PLEC: variants seen among roughly 807,000 people sequenced by gnomAD.
PLEC encodes the protein hemidesmosomal protein 1.
PLEC carries 216 observed loss-of-function variants against 392.8 expected under a neutral mutation model. The observed-to-expected ratio is 0.55, with a 90% CI of 0.49 to 0.62. The LOEUF is 0.62. Ranked by LOEUF, PLEC falls within the 20% of genes least tolerant of loss-of-function variation. The pLI is 0.00. For missense variants in PLEC, 6,863 were observed against 6,563.4 expected (o/e 1.05, Z -1.58); for synonymous variants, 3,621 against 2,980.6 (o/e 1.21, Z -7.00).
At position 143,921,069 on chromosome 8, in the gene PLEC, G is replaced by A. The variant is rs782580219; in HGVS notation, c.8752C>T (p.Gln2918Ter). 1 of 1,611,958 alleles carries A rather than the reference G, an allele frequency of 6.2e-7. No homozygotes were observed. The highest frequency in any genetic ancestry group is 8.5e-7 in the Non-Finnish European group (1 of 1,180,026). The change falls in exon 32 of 32, where the codon CAG becomes TAG. Residue 2918 changes from glutamine to a stop codon, truncating the protein, a stop_gained. Transcript: ENST00000345136. LOFTEE classifies it high-confidence loss of function. Reference sequence around the variant, plus strand: ...TCCCAAATGGTCACCGTCTTGCCCTGGAACTTGCCGAACGGCGCAGACACG... The same window carrying A: ...TCCCAAATGGTCACCGTCTTGCCCTAGAACTTGCCGAACGGCGCAGACACG... ...ATVSAPFGKF[Q>*]GKTVTIWEII...
rs556372016 is a variant in PLEC, at chr8:143,927,731, C to T, written c.3435G>A (p.Thr1145=). 7.5e-6 allele frequency: 12 copies of T among 1,596,276 alleles called. No homozygotes were observed. Among genetic ancestry groups the T allele is most frequent in the East Asian group, 4.6e-5 (2 of 43,948 alleles). The change falls in exon 27 of 32, where the codon ACG becomes ACA. Residue 1145 remains threonine, a synonymous_variant. Coordinates refer to ENST00000345136, the MANE Select transcript of PLEC (RefSeq NM_201384.3). ...LRAQAEAQQP[T]FDALRDELRG... The stretch of plus-strand genomic sequence containing the variant: ...GCAGCTCATCCCGCAGGGCGTCGAA[C>T]GTGGGCTGCTGTGCCTCGGCCTGGG...
upstream of PLEC, among the ~76,000 whole-genome samples, chr8:143,944,240 G>A (rs1831084900): frequency 6.6e-6 from 1 of 152,088 alleles, no homozygotes; most frequent in Non-Finnish European, 1.5e-5. Flanking sequence ...CGCACGCCTG[G>A]CCAAGCCGCA....
rs1554684058 is a variant in PLEC at position 143,921,098 on chromosome 8, G to A, written c.8723C>T (p.Ala2908Val). The A allele has an allele frequency of 1.2e-6, 2 of 1,612,120 alleles. No homozygotes were observed. The highest frequency in any genetic ancestry group is 1.7e-5 in the Admixed American group (1 of 60,028). ...DSEARDVFEK[A>V]TVSAPFGKFQ... ...CTTGCCGAACGGCGCAGACACGGTG[G>A]CCTTCTCAAAGACGTCCCGGGCCTC... Residue 2908 changes from alanine to valine, a missense_variant, in exon 32 of 32, where the codon GCC becomes GTC. Coordinates refer to ENST00000345136, the MANE Select transcript of PLEC (RefSeq NM_201384.3).
At chr8:143,950,318 C>T (rs782501731) in exon 1 of PLEC, 1 of 1,574,052 alleles carries the variant, frequency 6.4e-7, no homozygotes, top group African/African-American at 1.3e-5. Flanking sequence ...CGGCAGCGGC[C>T]CCCGCTTGGG....
At chr8:143,947,882 C>T (rs1054880596) in intron 1 of PLEC, among the ~76,000 whole-genome samples, 9 of 152,246 alleles carry the variant, frequency 5.9e-5, no homozygotes, top group African/African-American at 2.2e-4. Flanking sequence ...TCCTCTCCCT[C>T]TGGCCTTCCG....
rs7155 is a variant in PLEC at position 143,915,294 on chromosome 8, A to G, written c.*883T>C. The G allele has an allele frequency of 0.51, 77,517 of 152,512 alleles. 22,353 individuals carry two copies. Among genetic ancestry groups the G allele is most frequent in the African/African-American group, 0.79 (32,632 of 41,514 alleles). 9.4% of individuals were successfully genotyped at this position (152,512 alleles called of 1,614,324 possible). On this transcript the variant is annotated 3_prime_UTR_variant, in exon 32 of 32. Coordinates refer to ENST00000345136, the MANE Select transcript of PLEC (RefSeq NM_201384.3). ...GGGGTTAGTGGAACATGCAAAGCTC[A>G]GAGGGTGGAGGCAGGGGTGGTCGCT...
chr8:143,937,158 G>A lies in PLEC; in HGVS notation c.342+7C>T, dbSNP rs367808541. On this transcript the variant is annotated splice_region_variant and intron_variant, in intron 4 of 31. Transcript: ENST00000345136. The stretch of plus-strand genomic sequence containing the variant: ...GGTGGGGCCCAGGGCCTGCCGGGCA[G>A]CCTTACCTGGCGGTGCCGGAGGTAG... The A allele has an allele frequency of 1.3e-5, 21 of 1,611,812 alleles. No individual in the cohort carries two copies. The African/African-American group carries it at 2.5e-4, about 19-fold the overall frequency.
At position 143,922,968 on chromosome 8, in the gene PLEC, C is replaced by G; in HGVS notation, c.6961G>C (p.Glu2321Gln). The change falls in exon 31 of 32, where the codon GAG becomes CAG. Residue 2321 changes from glutamate to glutamine, a missense_variant. Coordinates refer to ENST00000345136, the MANE Select transcript of PLEC (RefSeq NM_201384.3). ...MLKEKMQAVQEATRLKAEAEL... is the reference protein window; with the variant it reads ...MLKEKMQAVQQATRLKAEAEL... The stretch of plus-strand genomic sequence containing the variant: ...GCCTCAGCCTTGAGTCGCGTGGCCT[C>G]CTGCACCGCCTGCATCTTCTCCTTG... 6.2e-7 allele frequency: 1 copy of G among 1,610,902 alleles called. No homozygotes were observed. Among genetic ancestry groups the G allele is most frequent in the Non-Finnish European group, 8.5e-7 (1 of 1,179,052 alleles).
Position 143,915,973 on chromosome 8 carries a change from C to G in PLEC, c.*204G>C. ...AGTGAGGAGACCCGAGGGGGTGAGG[C>G]GGCCAGCAGGGCTGGGCCAGCCCTG... On this transcript the variant is annotated 3_prime_UTR_variant, in exon 32 of 32. Coordinates refer to ENST00000345136, the MANE Select transcript of PLEC (RefSeq NM_201384.3). 1 of 452,250 alleles carries G rather than the reference C, an allele frequency of 2.2e-6. No homozygotes were observed. Among genetic ancestry groups the G allele is most frequent in the Non-Finnish European group, 3.9e-6 (1 of 258,072 alleles). 28.0% of individuals were successfully genotyped at this position (452,250 alleles called of 1,614,324 possible).
upstream of PLEC, among the ~76,000 whole-genome samples, chr8:143,958,361 C>A (rs1554739830): frequency 6.6e-6 from 1 of 152,172 alleles, no homozygotes; most frequent in African/African-American, 2.4e-5. This position sits in a 1 kb window ranked among gnomAD's most constrained non-coding sequence, Gnocchi z 4.9. Context: ...CGAGCCACAT[C>A]CTTCTCCTCT....
At chr8:143,965,426 T>A (rs1554741946) in intron 1 of PLEC, among the ~76,000 whole-genome samples, 1 of 60,758 alleles carries the variant, frequency 1.6e-5, no homozygotes, top group Admixed American at 1.4e-4. Context: ...CCAACTCCCC[T>A]TCCACTGGGC....
At position 143,923,261 on chromosome 8, in the gene PLEC, C is replaced by A; in HGVS notation, c.6668G>T (p.Arg2223Leu). Residue 2223 changes from arginine to leucine, a missense_variant, in exon 31 of 32, where the codon CGC (arginine) becomes CTC (leucine). Physicochemically the swap from Arg to Leu is moderately radical, Grantham distance 102. Coordinates refer to ENST00000345136, the MANE Select transcript of PLEC (RefSeq NM_201384.3). Reference sequence around the variant, plus strand: ...GAAGAGCTCCTCCTCCACCTGGCTGCGCTGGCGTGCGGCCTCCGTGGCCTC... The same window carrying A: ...GAAGAGCTCCTCCTCCACCTGGCTGAGCTGGCGTGCGGCCTCCGTGGCCTC... ...KAEATEAARQ[R>L]SQVEEELFSV... The A allele has an allele frequency of 1.2e-6, 2 of 1,606,066 alleles. No individual in the cohort carries two copies. The highest frequency in any genetic ancestry group is 1.7e-5 in the Admixed American group (1 of 60,000).
intron 1 of PLEC, chr8:143,945,061 C>A: frequency 2.5e-6 from 1 of 403,776 alleles, no homozygotes; most frequent in Non-Finnish European, 4.7e-6. Context: ...AGTCCCCACC[C>A]ACCTGCCCTG....
Position 143,923,643 on chromosome 8 carries a change from C to A in PLEC, c.6286G>T (p.Ala2096Ser). ...GCCTCACGCTCCGCCTGCACCCGGGCCTCCTCCGCCTCCTCAGCCGCCCGC... is the reference window on the plus strand; with the variant it reads ...GCCTCACGCTCCGCCTGCACCCGGGACTCCTCCGCCTCCTCAGCCGCCCGC... Reference protein sequence around the residue: ...ARRAAEEAEEARVQAEREAAQ... With the variant: ...ARRAAEEAEESRVQAEREAAQ... Residue 2096 changes from alanine to serine, a missense_variant, in exon 31 of 32, where the codon GCC (alanine) becomes TCC (serine). Transcript: ENST00000345136. 1 of 1,575,684 alleles carries A rather than the reference C, an allele frequency of 6.3e-7. No individual in the cohort carries two copies. Among genetic ancestry groups the A allele is most frequent in the Middle Eastern group, 1.8e-4 (1 of 5,520 alleles).
chr8:143,930,631 T>G, intron 19 of PLEC, 95 bp from the exon 20 acceptor site: 1 of 1,310,650 alleles, frequency 7.6e-7, no homozygotes, highest in Non-Finnish European at 1.1e-6. Flanking sequence ...TGTGGGGCCC[T>G]CCTGATGCTC....
At chr8:143,943,741 C>G (rs1382449605), upstream of PLEC, 1 of 1,592,256 alleles carries the variant, frequency 6.3e-7, no homozygotes. Context: ...GCCCCTCTGC[C>G]CCGCCTCGAG....
At chr8:143,943,689 G>T, upstream of PLEC, 8 of 1,240,174 alleles carry the variant, frequency 6.5e-6, no homozygotes, top group Non-Finnish European at 9.2e-6. Flanking sequence ...CTTGGAAACA[G>T]GAAGGGGAGG....
chr8:143,947,347 G>A (rs1166673694), intron 1 of PLEC, among the ~76,000 whole-genome samples: 18 of 152,200 alleles, frequency 1.2e-4, no homozygotes, highest in African/African-American at 4.3e-4. Context: ...CCGTGGTGGC[G>A]GCTACCTGGC....
chr8:143,949,836 G>A (rs1321831816), intron 1 of PLEC, among the ~76,000 whole-genome samples: 1 of 152,140 alleles, frequency 6.6e-6, no homozygotes, highest in African/African-American at 2.4e-5. Context: ...CCTCAGTGCC[G>A]AGGAGCCTCG....
Sources: gnomAD v4.1 joint callset for allele counts (sites outside exome capture counted in the v4.1 genomes callset) on GRCh38, gnomAD v4.1.1 for gene constraint, Gnocchi (gnomAD v3.1) non-coding constraint, MANE v1.5 for transcripts, NCBI Gene and HGNC (gene_info 2026-07-23, HGNC 2026-07-21) for gene names.